Variants in SPTLC1 observed in about 807,000 individuals in gnomAD.
SPTLC1 encodes the protein serine palmitoyltransferase 1.
SPTLC1 carries 55 observed loss-of-function variants against 68.9 expected under a neutral mutation model. The ratio of observed to expected loss-of-function variants is 0.80; its 90% CI spans 0.64 to 1.00. The LOEUF (loss-of-function observed/expected upper bound fraction) is 1.00, where lower values mean the gene tolerates loss of function less well. SPTLC1 is among the 50% of genes least tolerant of loss of function. SPTLC1 has a pLI of 0.00. For missense variants in SPTLC1, 449 were observed against 573.1 expected (o/e 0.78, Z 2.21); for synonymous variants, 197 against 201.6 (o/e 0.98, Z 0.19).
intron 1 of SPTLC1, chr9:92,115,006 C>G (rs1836394658): frequency 2.0e-6 from 1 of 491,392 alleles, no homozygotes; most frequent in African/African-American, 1.9e-5. Flanking sequence ...TATCGTCCGT[C>G]TAAACTCTGG....
At chr9:92,054,651 A>C (rs960494673) in intron 8 of SPTLC1, among the ~76,000 whole-genome samples, 1 of 152,224 alleles carries the variant, frequency 6.6e-6, no homozygotes, top group African/African-American at 2.4e-5. Context: ...TCAGTGGCTC[A>C]TGCCTGTAAT....
At position 92,055,394 on chromosome 9, in the gene SPTLC1, T is replaced by C; in HGVS notation, c.780+11A>G. 1 of 1,613,712 alleles carries C rather than the reference T, an allele frequency of 6.2e-7. No individual in the cohort carries two copies. Among genetic ancestry groups the C allele is most frequent in the Non-Finnish European group, 8.5e-7 (1 of 1,180,010 alleles). Reference sequence around the variant, plus strand: ...CAAATATTAAAATTACAGCTGAACATGGTTGCTTACCAATTCTGGAAGAGG... The same window carrying C: ...CAAATATTAAAATTACAGCTGAACACGGTTGCTTACCAATTCTGGAAGAGG... On this transcript the variant is annotated intron_variant, in intron 8 of 14. Transcript: ENST00000262554.
intron 3 of SPTLC1, among the ~76,000 whole-genome samples, chr9:92,087,872 A>G (rs1275660209): frequency 1.3e-5 from 2 of 152,232 alleles, no homozygotes; most frequent in South Asian, 4.2e-4. Context: ...AGGCAGGCAG[A>G]CCTCCTTGAG....
Position 92,049,984 on chromosome 9 carries a change from T to C in SPTLC1, c.864A>G (p.Gly288=). ...CATTGATTCCATAGTGTTCAGTGAC[T>C]CCTCGGCCATGCTCTCCTAGGACTC... The part of the protein sequence containing the change: ...SFGVLGEHGR[G]VTEHYGINID... Residue 288 remains glycine, a synonymous_variant, in exon 9 of 15, where the codon GGA becomes GGG. Transcript: ENST00000262554. The C allele has an allele frequency of 6.2e-7, 1 of 1,613,016 alleles. No individual in the cohort carries two copies. The highest frequency in any genetic ancestry group is 8.5e-7 in the Non-Finnish European group (1 of 1,178,964).
At chr9:92,079,731 C>A in intron 5 of SPTLC1, 1 of 711,572 alleles carries the variant, frequency 1.4e-6, no homozygotes, top group South Asian at 1.6e-5. Flanking sequence ...GGCCATCTCC[C>A]CTGCATAAAG....
intron 8 of SPTLC1, 32 bp from the exon 9 acceptor site, chr9:92,050,099 G>T: frequency 7.6e-7 from 1 of 1,307,886 alleles, no homozygotes; most frequent in Non-Finnish European, 1.1e-6. Flanking sequence ...AAATACTAAT[G>T]ATTAGCACCA....
chr9:92,114,424 C>T (rs1250900347), intron 1 of SPTLC1, among the ~76,000 whole-genome samples: 1 of 152,064 alleles, frequency 6.6e-6, no homozygotes, highest in East Asian at 1.9e-4. Flanking sequence ...CTTCAAAAAA[C>T]TCTTAACTAT....
intron 3 of SPTLC1, 130 bp from the exon 4 acceptor site, chr9:92,081,093 T>C (rs1455998968): frequency 4.3e-6 from 3 of 703,234 alleles, no homozygotes; most frequent in African/African-American, 1.8e-5. Flanking sequence ...TTTGATTTCT[T>C]GTTTTTAAGA....
chr9:92,051,383 T>G, intron 8 of SPTLC1: 1 of 490,798 alleles, frequency 2.0e-6, no homozygotes, highest in Non-Finnish European at 2.6e-6. Context: ...CACATGATCA[T>G]CCCAATAAAT....
intron 12 of SPTLC1, among the ~76,000 whole-genome samples, chr9:92,045,546 A>AAC (rs1833485005): frequency 6.8e-6 from 1 of 146,380 alleles, no homozygotes; most frequent in African/African-American, 2.5e-5. Context: ...AAAAAAAAAA[A>AAC]AAAAAACACT....
intron 3 of SPTLC1, among the ~76,000 whole-genome samples, chr9:92,090,706 A>G (rs1011000143): frequency 1.3e-5 from 2 of 151,910 alleles, no homozygotes; most frequent in African/African-American, 4.8e-5. Flanking sequence ...AAACCTGATC[A>G]AGCAGACTAA....
intron 3 of SPTLC1, among the ~76,000 whole-genome samples, chr9:92,084,796 G>A (rs1279357721): frequency 1.3e-5 from 2 of 151,856 alleles, no homozygotes; most frequent in Admixed American, 6.6e-5. Flanking sequence ...CTATTGATTG[G>A]AATAGTTTCA....
In SPTLC1 at chr9:92,112,474, C is replaced by T. The variant is rs780285282; in HGVS notation, c.146G>A (p.Arg49Gln). Reference sequence around the variant, plus strand: ...TCGTACCTTGACTGTAAGATCAGATCGTTCTTGTAATTTGTAAGTCTTAGA... The same window carrying T: ...TCGTACCTTGACTGTAAGATCAGATTGTTCTTGTAATTTGTAAGTCTTAGA... The part of the protein sequence containing the change: ...LFSKTYKLQE[R>Q]SDLTVKEKEE... The change falls in exon 2 of 15, where the codon CGA becomes CAA. Residue 49 changes from arginine (R) to glutamine (Q), a missense_variant. By Grantham distance (43) the Arg-to-Gln change is conservative. Around this residue, in one of 3 missense-constraint regions of SPTLC1, gnomAD observed 46 missense variants for 57.8 expected, o/e 0.80. Coordinates refer to ENST00000262554, the MANE Select transcript of SPTLC1 (RefSeq NM_006415.4). 1.2e-5 allele frequency: 20 copies of T among 1,605,114 alleles called. No homozygotes were observed. Among genetic ancestry groups the T allele is most frequent in the Non-Finnish European group, 1.6e-5 (19 of 1,173,870 alleles).
chr9:92,078,009 G>A (rs1834743679), intron 5 of SPTLC1, among the ~76,000 whole-genome samples: 1 of 152,024 alleles, frequency 6.6e-6, no homozygotes. Context: ...TGTTGGCTAT[G>A]TATTTCCTTC....
At chr9:92,036,413 T>C (rs1325970656) in intron 13 of SPTLC1, among the ~76,000 whole-genome samples, 1 of 152,256 alleles carries the variant, frequency 6.6e-6, no homozygotes, top group African/African-American at 2.4e-5. Context: ...AGTAAGACTT[T>C]AGCTGTTGCT....
At chr9:92,056,728 G>C (rs554841014) in intron 7 of SPTLC1, among the ~76,000 whole-genome samples, 2 of 152,210 alleles carry the variant, frequency 1.3e-5, no homozygotes, top group East Asian at 1.9e-4. Flanking sequence ...AATTAGAAAT[G>C]ATCAGAATTA....
chr9:92,050,263 T>C (rs1267385793), intron 8 of SPTLC1, 196 bp from the exon 9 acceptor site: 1 of 550,702 alleles, frequency 1.8e-6, no homozygotes, highest in East Asian at 3.2e-5. Flanking sequence ...CACGGATATG[T>C]GCATGTGCAG....
At chr9:92,050,810 G>GTTTTTTTTTTTTT (rs1564088122) in intron 8 of SPTLC1, 5 of 72,244 alleles carry the variant, frequency 6.9e-5, no homozygotes, top group African/African-American at 6.4e-4. Flanking sequence ...GCACAATACT[G>GTTTTTTTTTTTTT]ATTTTTTTTT....
intron 4 of SPTLC1, 144 bp downstream of exon 4, chr9:92,080,726 G>C: frequency 1.4e-6 from 1 of 702,266 alleles, no homozygotes; most frequent in Non-Finnish European, 2.6e-6. Context: ...TTTTGGTAGA[G>C]ATGGGGTTTC....
Sources: gnomAD v4.1 joint callset for allele counts (sites outside exome capture counted in the v4.1 genomes callset) on GRCh38, gnomAD v4.1.1 for gene constraint, gnomAD v4.1.1 regional missense constraint, MANE v1.5 for transcripts, NCBI Gene and HGNC (gene_info 2026-07-23, HGNC 2026-07-21) for gene names.